CD48: variants seen among roughly 807,000 people sequenced by gnomAD.
CD48 encodes CD48 antigen.
A neutral mutation model predicts 22.0 loss-of-function variants in CD48; 20 were observed. The observed-to-expected ratio is 0.91, with a 90% confidence interval of 0.64 to 1.32. The LOEUF (loss-of-function observed/expected upper bound fraction) is 1.32. CD48 is among the 40% of genes most tolerant of loss of function. CD48 has a pLI of 0.00. For missense variants in CD48, 307 were observed against 286.5 expected (o/e 1.07, Z -0.52); for synonymous variants, 110 against 110.1 (o/e 1.00, Z 0.01).
At position 160,711,739 on chromosome 1, in the gene CD48, A is replaced by C; in HGVS notation, c.25T>G (p.Cys9Gly). 1 of 1,613,724 alleles carries C rather than the reference A, an allele frequency of 6.2e-7. No homozygotes were observed. Among genetic ancestry groups the C allele is most frequent in the Non-Finnish European group, 8.5e-7 (1 of 1,179,680 alleles). The stretch of plus-strand genomic sequence containing the variant: ...AGCAGTAGCAATTCCAGAGCCAGAC[A>C]CGAATCCCAACCTCTGGAGCACATG... MCSRGWDS[C>G]LALELLLLPL... Residue 9 changes from cysteine to glycine, a missense_variant, in exon 1 of 4, where the codon TGT becomes GGT. By Grantham distance (159) the Cys-to-Gly change is radical (BLOSUM62 -3). Coordinates refer to ENST00000368046, the MANE Select transcript of CD48 (RefSeq NM_001778.4).
At chr1:160,709,019 C>T (rs114210268) in intron 1 of CD48, among the ~76,000 whole-genome samples, 73 of 152,282 alleles carry the variant, frequency 4.8e-4, no homozygotes, top group African/African-American at 1.7e-3. Context: ...TGACTCTAGG[C>T]CACACCATGA....
intron 3 of CD48, among the ~76,000 whole-genome samples, chr1:160,680,223 G>A (rs556082954): frequency 6.6e-6 from 1 of 152,270 alleles, no homozygotes; most frequent in South Asian, 2.1e-4. Flanking sequence ...GTACGCTAGG[G>A]CTCAGGGATC....
intron 1 of CD48, among the ~76,000 whole-genome samples, chr1:160,690,925 C>T (rs532117284): frequency 2.0e-5 from 3 of 152,242 alleles, no homozygotes; most frequent in South Asian, 2.1e-4. Flanking sequence ...CCCCCAACCC[C>T]GTGCTCTCTG....
At chr1:160,682,536 G>A (rs1345716696) in intron 2 of CD48, among the ~76,000 whole-genome samples, 3 of 147,262 alleles carry the variant, frequency 2.0e-5, no homozygotes, top group Middle Eastern at 3.4e-3. Context: ...AAAAAGAAGG[G>A]AGGGAGGGAG....
chr1:160,680,567 C>CA, intron 3 of CD48: 1 of 991,378 alleles, frequency 1.0e-6, no homozygotes. Context: ...CCCATGCTAG[C>CA]ACCAGTGTAG....
chr1:160,698,211 A>G (rs1351328060), intron 1 of CD48, among the ~76,000 whole-genome samples: 1 of 152,160 alleles, frequency 6.6e-6, no homozygotes, highest in South Asian at 2.1e-4. Context: ...ATAACCTGTG[A>G]AAATTGTAGA....
intron 1 of CD48, among the ~76,000 whole-genome samples, chr1:160,700,439 G>A (rs1442649717): frequency 1.3e-5 from 2 of 152,100 alleles, no homozygotes; most frequent in Admixed American, 6.5e-5. Context: ...ATTTGGTCTA[G>A]ATAAACAGAC....
intron 1 of CD48, among the ~76,000 whole-genome samples, chr1:160,694,432 T>G (rs1318239173): frequency 1.3e-5 from 2 of 151,428 alleles, no homozygotes; most frequent in Non-Finnish European, 3.0e-5. Flanking sequence ...AACAAAAGAC[T>G]GTTACAGGAC....
At chr1:160,680,122 T>C (rs1661740379) in intron 3 of CD48, among the ~76,000 whole-genome samples, 1 of 152,214 alleles carries the variant, frequency 6.6e-6, no homozygotes, top group Admixed American at 6.5e-5. Flanking sequence ...AACAGCAACG[T>C]TCTCAGAGGC....
intron 1 of CD48, among the ~76,000 whole-genome samples, chr1:160,705,199 C>G (rs1233053393): frequency 1.3e-5 from 2 of 152,196 alleles, no homozygotes; most frequent in African/African-American, 2.4e-5. Flanking sequence ...AACCATTCAT[C>G]CATCTATTCA....
intron 1 of CD48, among the ~76,000 whole-genome samples, chr1:160,690,810 A>G (rs527957065): frequency 6.6e-6 from 1 of 152,192 alleles, no homozygotes; most frequent in African/African-American, 2.4e-5. Context: ...GAGAGGTCAG[A>G]TTGTTACTGT....
At position 160,681,465 on chromosome 1, in the gene CD48, G is replaced by A; in HGVS notation, c.389C>T (p.Pro130Leu). ...EWKIKLQVLDPVPKPVIKIEK... is the reference protein window; with the variant it reads ...EWKIKLQVLDLVPKPVIKIEK... ...AATTTTGATGACAGGCTTGGGTACA[G>A]GGTCTGAAAGTGAGGAGGATGTTAT... Residue 130 changes from proline to leucine, a missense_variant, in exon 3 of 4, where the codon CCT becomes CTT. Transcript: ENST00000368046. The A allele has an allele frequency of 6.2e-7, 1 of 1,613,400 alleles. No homozygotes were observed. Among genetic ancestry groups the A allele is most frequent in the Non-Finnish European group, 8.5e-7 (1 of 1,179,538 alleles).
Position 160,678,835 on chromosome 1 carries a change from G to C in CD48, c.*217C>G, listed in dbSNP as rs1371044185. The C allele has an allele frequency of 3.6e-5, 15 of 417,560 alleles. No individual in the cohort carries two copies. The highest frequency in any genetic ancestry group is 6.4e-5 in the Non-Finnish European group (15 of 234,874). The allele number at this position is 417,560 out of a possible 1,614,324, so 25.9% of individuals were successfully genotyped here. On this transcript the variant is annotated 3_prime_UTR_variant, in exon 4 of 4. Coordinates refer to ENST00000368046, the MANE Select transcript of CD48 (RefSeq NM_001778.4). ...TGTCACAATTTTGGGTGGGAAAAAA[G>C]CATGTGTATCTCTATATCTCTGTGT...
intron 1 of CD48, among the ~76,000 whole-genome samples, chr1:160,700,565 A>T (rs112383356): frequency 6.6e-6 from 1 of 152,180 alleles, no homozygotes; most frequent in Non-Finnish European, 1.5e-5. Context: ...AAAGGCTGAA[A>T]TGGCTGTACT....
intron 3 of CD48, chr1:160,680,826 C>A: frequency 8.2e-7 from 1 of 1,220,724 alleles, no homozygotes; most frequent in Non-Finnish European, 1.0e-6. Context: ...CTAATGAAGC[C>A]CCTCTAGACA....
intron 1 of CD48, among the ~76,000 whole-genome samples, chr1:160,697,008 A>G (rs1482251622): frequency 1.3e-5 from 2 of 151,884 alleles, no homozygotes; most frequent in Non-Finnish European, 2.9e-5. Context: ...GAAGGGGGAG[A>G]CAGTAAGGAG....
At chr1:160,688,046 G>C (rs1262203637) in intron 1 of CD48, among the ~76,000 whole-genome samples, 1 of 152,230 alleles carries the variant, frequency 6.6e-6, no homozygotes, top group Non-Finnish European at 1.5e-5. Context: ...TGCATGTGAT[G>C]TTTGAGACTC....
intron 1 of CD48, among the ~76,000 whole-genome samples, chr1:160,704,535 C>G (rs1035121030): frequency 2.0e-5 from 3 of 152,176 alleles, no homozygotes; most frequent in Admixed American, 2.0e-4. Context: ...ATGTTGCAAT[C>G]GGGCTGCAGG....
chr1:160,707,125 G>A (rs888939632), intron 1 of CD48, among the ~76,000 whole-genome samples: 1 of 152,114 alleles, frequency 6.6e-6, no homozygotes, highest in African/African-American at 2.4e-5. Flanking sequence ...AAGACCTCAG[G>A]TTTGTGTCTT....
Sources: gnomAD v4.1 joint callset for allele counts (sites outside exome capture counted in the v4.1 genomes callset) on GRCh38, gnomAD v4.1.1 for gene constraint, MANE v1.5 for transcripts, NCBI Gene and HGNC (gene_info 2026-07-23, HGNC 2026-07-21) for gene names.